The following ZSWIM6 variants were observed in gnomAD, a reference collection of about 807,000 sequenced individuals.
ZSWIM6 encodes zinc finger SWIM-type containing 6.
A neutral mutation model predicts 113.2 loss-of-function variants in ZSWIM6; 9 were observed. The ratio of observed to expected loss-of-function variants is 0.08; its 90% confidence interval spans 0.05 to 0.14. The LOEUF (loss-of-function observed/expected upper bound fraction) is 0.14, where lower values mean the gene tolerates loss of function less well. Ranked by LOEUF, ZSWIM6 falls within the 10% of genes least tolerant of loss-of-function variation. The probability of loss-of-function intolerance (pLI) is 1.00; values close to 1 mark genes in which losing one functional copy is unlikely to be tolerated. For synonymous variants in ZSWIM6, 611 were observed against 606.5 expected (o/e 1.01, Z -0.11); for missense variants, 1,162 against 1,552.2 (o/e 0.75, Z 4.22).
intron 1 of ZSWIM6, among the ~76,000 whole-genome samples, chr5:61,367,632 A>G (rs1177880626): frequency 1.3e-5 from 2 of 152,200 alleles, no homozygotes; most frequent in East Asian, 3.9e-4. Context: ...AGGAGCTAGG[A>G]TTTGAACACA....
intron 1 of ZSWIM6, among the ~76,000 whole-genome samples, chr5:61,434,912 T>C (rs1262364208): frequency 3.3e-5 from 5 of 152,266 alleles, no homozygotes; most frequent in South Asian, 4.1e-4. Context: ...TTATAATTTA[T>C]GATGAGCTGA....
intron 1 of ZSWIM6, among the ~76,000 whole-genome samples, chr5:61,372,946 TAAA>T (rs1222703742): frequency 6.6e-6 from 1 of 152,122 alleles, no homozygotes; most frequent in Admixed American, 6.6e-5. Context: ...GAACATTTCT[TAAA>T]AAATTATAAA....
At chr5:61,441,715 A>G (rs1041096612) in intron 1 of ZSWIM6, among the ~76,000 whole-genome samples, 4 of 152,150 alleles carry the variant, frequency 2.6e-5, no homozygotes, top group African/African-American at 4.8e-5. Flanking sequence ...CTCAATTTCT[A>G]TATGCCCATG....
At chr5:61,477,156 C>A (rs1747728779) in intron 2 of ZSWIM6, among the ~76,000 whole-genome samples, 1 of 152,098 alleles carries the variant, frequency 6.6e-6, no homozygotes, top group Admixed American at 6.6e-5. Flanking sequence ...TTCCTATGGG[C>A]TAGCCTGTAC....
At chr5:61,366,955 GGCAAT>G (rs1745168625) in intron 1 of ZSWIM6, among the ~76,000 whole-genome samples, 1 of 147,586 alleles carries the variant, frequency 6.8e-6, no homozygotes, top group South Asian at 2.1e-4. Flanking sequence ...AGGCACAGAA[GGCAAT>G]GCCTTATATA....
At chr5:61,359,872 A>G (rs945452762) in intron 1 of ZSWIM6, among the ~76,000 whole-genome samples, 5 of 152,178 alleles carry the variant, frequency 3.3e-5, no homozygotes, top group African/African-American at 9.7e-5. Flanking sequence ...AAAACCTACC[A>G]TTAGATAGAT....
intron 1 of ZSWIM6, among the ~76,000 whole-genome samples, chr5:61,345,502 G>A (rs1175918882): frequency 6.6e-6 from 1 of 152,166 alleles, no homozygotes; most frequent in Admixed American, 6.5e-5. Context: ...AATGTCACAA[G>A]GTGAATTTGT....
intron 12 of ZSWIM6, 78 bp from the exon 13 acceptor site, chr5:61,541,806 C>T: frequency 8.2e-7 from 1 of 1,224,266 alleles, no homozygotes; most frequent in South Asian, 1.4e-5. Context: ...CCTTATATGC[C>T]TTATAGTTTA....
intron 1 of ZSWIM6, among the ~76,000 whole-genome samples, chr5:61,431,578 T>C (rs2112135740): frequency 6.7e-6 from 1 of 149,550 alleles, no homozygotes; most frequent in East Asian, 2.0e-4. Flanking sequence ...ACACTGTCTC[T>C]ACTAAAAATA....
chr5:61,385,247 A>C (rs115250943), intron 1 of ZSWIM6, among the ~76,000 whole-genome samples: 136 of 152,342 alleles, frequency 8.9e-4, no homozygotes, highest in African/African-American at 3.1e-3. Flanking sequence ...TATTTTGAGA[A>C]ATATTTTTAT....
intron 2 of ZSWIM6, among the ~76,000 whole-genome samples, chr5:61,479,039 C>T (rs865831314): frequency 2.6e-4 from 39 of 151,998 alleles, no homozygotes; most frequent in Middle Eastern, 6.8e-3. Context: ...GGCATGGTGG[C>T]GTGTGCCTGT....
At chr5:61,529,955 G>T in intron 7 of ZSWIM6, 97 bp from the exon 8 acceptor site, 1 of 1,091,228 alleles carries the variant, frequency 9.2e-7, no homozygotes. Context: ...GGTTTATCAG[G>T]ATGCTGCTAT....
chr5:61,428,089 T>C (rs1406985614), intron 1 of ZSWIM6, among the ~76,000 whole-genome samples: 1 of 152,144 alleles, frequency 6.6e-6, no homozygotes, highest in African/African-American at 2.4e-5. Context: ...CTCAACATTA[T>C]CTATGGAGGG....
At chr5:61,337,300 CAAAA>C (rs1051639777) in intron 1 of ZSWIM6, among the ~76,000 whole-genome samples, 9 of 151,206 alleles carry the variant, frequency 6.0e-5, no homozygotes, top group East Asian at 1.9e-4. Flanking sequence ...AAAACAAAAA[CAAAA>C]AAAACGAGAT....
intron 9 of ZSWIM6, among the ~76,000 whole-genome samples, chr5:61,532,539 C>T (rs971835763): frequency 2.0e-5 from 3 of 152,118 alleles, no homozygotes; most frequent in Non-Finnish European, 2.9e-5. Context: ...TTATATTCAT[C>T]TTATGTTCAG....
intron 3 of ZSWIM6, among the ~76,000 whole-genome samples, chr5:61,492,989 T>C (rs368757066): frequency 1.3e-5 from 2 of 152,136 alleles, no homozygotes; most frequent in Admixed American, 6.6e-5. Context: ...TTCTTACTTA[T>C]TGAATACATA....
intron 1 of ZSWIM6, among the ~76,000 whole-genome samples, chr5:61,413,729 ATGGTATCTCATTG>A (rs1746191348): frequency 6.6e-6 from 1 of 152,028 alleles, no homozygotes. Flanking sequence ...TTGGTGTGAG[ATGGTATCTCATTG>A]TGGTTTTGAT....
At chr5:61,458,494 T>G (rs1310462052) in intron 1 of ZSWIM6, among the ~76,000 whole-genome samples, 1 of 152,188 alleles carries the variant, frequency 6.6e-6, no homozygotes, top group Non-Finnish European at 1.5e-5. Flanking sequence ...CTTTTTCAGA[T>G]TCTCTAGTGA....
At position 61,395,416 on chromosome 5, in the gene ZSWIM6, AT is replaced by A. The variant is rs200632255; in HGVS notation, c.676+62475del. On this transcript the variant is annotated intron_variant, in intron 1 of 13. Transcript: ENST00000252744. ...AAAAAAGGCCATTTGCTGTGCATTG[AT>A]TTTTTTCCCCCCATTCATACCTGTA... is the stretch of plus-strand genomic sequence containing the variant. Among the ~76,000 whole-genome samples the A allele has an allele frequency of 1.2e-3, 181 of 152,112 alleles. 5 individuals are homozygous for A. In the East Asian group the frequency reaches 0.023, roughly 20 times the overall value.
Sources: allele counts gnomAD v4.1 joint callset (sites outside exome capture counted in the v4.1 genomes callset), GRCh38; gene constraint gnomAD v4.1.1; transcripts MANE v1.5; gene names NCBI Gene and HGNC (gene_info 2026-07-23, HGNC 2026-07-21).